Variants in LIN28B observed in about 807,000 individuals in gnomAD.
LIN28B encodes protein lin-28 homolog B.
LIN28B carries 5 observed loss-of-function variants against 21.9 expected under a neutral mutation model. That is an observed-to-expected ratio of 0.23 (90% CI 0.12 to 0.48). The LOEUF is 0.48. LIN28B is among the 20% of genes least tolerant of loss of function. The pLI is 0.98. For synonymous variants in LIN28B, 109 were observed against 111.3 expected (o/e 0.98, Z 0.13); for missense variants, 245 against 310.5 (o/e 0.79, Z 1.58).
At chr6:105,075,588 A>G (rs527723122) in intron 3 of LIN28B, among the ~76,000 whole-genome samples, 1 of 152,364 alleles carries the variant, frequency 6.6e-6, no homozygotes, top group African/African-American at 2.4e-5. Context: ...ATATCAGGAA[A>G]GCCAAGGGGG....
chr6:104,987,895 C>G (rs191633388), intron 2 of LIN28B, among the ~76,000 whole-genome samples: 10 of 152,114 alleles, frequency 6.6e-5, no homozygotes, highest in African/African-American at 9.6e-5. Flanking sequence ...AGGTGCCCAC[C>G]ACCACGCTTG....
intron 3 of LIN28B, among the ~76,000 whole-genome samples, chr6:105,054,680 T>C (rs571956836): frequency 1.3e-5 from 2 of 152,270 alleles, no homozygotes; most frequent in South Asian, 4.1e-4. Flanking sequence ...ATCAACTTAG[T>C]CCTAGGAGCT....
chr6:105,031,983 C>T (rs779802817), intron 3 of LIN28B, among the ~76,000 whole-genome samples: 1 of 152,160 alleles, frequency 6.6e-6, no homozygotes, highest in Admixed American at 6.5e-5. Flanking sequence ...TTCTCTTTCA[C>T]TGTAGTTTTG....
intron 3 of LIN28B, among the ~76,000 whole-genome samples, chr6:105,052,543 A>G (rs1771928743): frequency 6.6e-6 from 1 of 152,210 alleles, no homozygotes; most frequent in Non-Finnish European, 1.5e-5. Flanking sequence ...TCATAAGGAC[A>G]GTGCCCCCAT....
intron 2 of LIN28B, among the ~76,000 whole-genome samples, chr6:104,943,791 CAAAGT>C (rs1778125228): frequency 1.3e-5 from 2 of 152,072 alleles, no homozygotes; most frequent in Non-Finnish European, 2.9e-5. Context: ...TGATGAACCA[CAAAGT>C]AAAGTATTTC....
chr6:105,062,697 G>A (rs529424302), intron 3 of LIN28B, among the ~76,000 whole-genome samples: 29 of 151,834 alleles, frequency 1.9e-4, no homozygotes, highest in Non-Finnish European at 3.7e-4. Flanking sequence ...TTTCAAATAC[G>A]TTTCTAAGAG....
At chr6:105,025,570 C>T (rs1771271060) in intron 2 of LIN28B, among the ~76,000 whole-genome samples, 1 of 152,072 alleles carries the variant, frequency 6.6e-6, no homozygotes, top group African/African-American at 2.4e-5. Flanking sequence ...CTGGAGAAAA[C>T]GACTCTTTAG....
chr6:105,041,746 C>T (rs1582913204), intron 3 of LIN28B, among the ~76,000 whole-genome samples: 1 of 152,132 alleles, frequency 6.6e-6, no homozygotes, highest in African/African-American at 2.4e-5. Context: ...CACATGGGAT[C>T]TTGCTTAAAA....
chr6:105,060,404 A>G (rs1772103524), intron 3 of LIN28B, among the ~76,000 whole-genome samples: 1 of 152,124 alleles, frequency 6.6e-6, no homozygotes, highest in South Asian at 2.1e-4. Context: ...TGTTGAGATT[A>G]TAGGAGTGAG....
At chr6:105,070,730 A>G (rs990176767) in intron 3 of LIN28B, among the ~76,000 whole-genome samples, 2 of 151,830 alleles carry the variant, frequency 1.3e-5, no homozygotes, top group Admixed American at 1.3e-4. Flanking sequence ...GTGAGCCCTT[A>G]TCACGCCACT....
At chr6:104,964,198 T>C (rs2114578834) in intron 2 of LIN28B, among the ~76,000 whole-genome samples, 1 of 152,336 alleles carries the variant, frequency 6.6e-6, no homozygotes. Flanking sequence ...TAAGATGCAC[T>C]GTGTTGTTTT....
At chr6:105,033,921 A>G (rs1285199396) in intron 3 of LIN28B, among the ~76,000 whole-genome samples, 1 of 151,616 alleles carries the variant, frequency 6.6e-6, no homozygotes, top group Non-Finnish European at 1.5e-5. Flanking sequence ...AGCCTGTAGT[A>G]CATAATTAAA....
intron 2 of LIN28B, among the ~76,000 whole-genome samples, chr6:105,012,123 A>G: frequency 6.6e-6 from 1 of 152,036 alleles, no homozygotes; most frequent in Middle Eastern, 3.2e-3. Flanking sequence ...GCGCCACTGC[A>G]CTTCAGCCTG....
intron 3 of LIN28B, among the ~76,000 whole-genome samples, chr6:105,048,526 C>A (rs1218559164): frequency 2.0e-5 from 3 of 152,080 alleles, no homozygotes; most frequent in African/African-American, 7.2e-5. Flanking sequence ...ATGATGCCGG[C>A]CTCATAAAAT....
At chr6:105,018,713 C>T (rs1369174570) in intron 2 of LIN28B, among the ~76,000 whole-genome samples, 1 of 151,744 alleles carries the variant, frequency 6.6e-6, no homozygotes, top group African/African-American at 2.4e-5. Context: ...TATTTGCTTC[C>T]TTCCTTTCTT....
chr6:105,026,701 C>A (rs544407103), intron 3 of LIN28B, among the ~76,000 whole-genome samples: 1 of 152,234 alleles, frequency 6.6e-6, no homozygotes, highest in South Asian at 2.1e-4. Context: ...AGTTCCTTGA[C>A]CACCTTTTCC....
At chr6:104,999,062 A>C (rs1355339858) in intron 2 of LIN28B, among the ~76,000 whole-genome samples, 1 of 152,240 alleles carries the variant, frequency 6.6e-6, no homozygotes, top group Non-Finnish European at 1.5e-5. Flanking sequence ...AAGGACAGGA[A>C]TATGGAAATT....
chr6:104,956,853 G>A (rs1298444220), upstream of LIN28B, among the ~76,000 whole-genome samples: 1 of 152,132 alleles, frequency 6.6e-6, no homozygotes, highest in Non-Finnish European at 1.5e-5. Flanking sequence ...TTGTGTTTAA[G>A]TAGAAGCACG....
At chr6:105,005,604 G>GCTCTCTCTCTCT (rs139594936) in intron 2 of LIN28B, among the ~76,000 whole-genome samples, 3 of 148,702 alleles carry the variant, frequency 2.0e-5, no homozygotes, top group African/African-American at 7.4e-5. Context: ...TCGTCCCTTG[G>GCTCTCTCTCTCT]CTCTCTCTCT....
Sources: allele counts gnomAD v4.1 joint callset (sites outside exome capture counted in the v4.1 genomes callset), GRCh38; gene constraint gnomAD v4.1.1; transcripts MANE v1.5; gene names NCBI Gene and HGNC (gene_info 2026-07-23, HGNC 2026-07-21).